FBXW10: variants seen among roughly 807,000 people sequenced by gnomAD.
The protein encoded by FBXW10 is F-box and WD repeat domain containing 10.
A neutral mutation model predicts 113.1 loss-of-function variants in FBXW10; 68 were observed. That is an observed-to-expected ratio of 0.60 (90% confidence interval 0.49 to 0.74). The LOEUF is 0.74. Ranked by LOEUF, FBXW10 falls within the 30% of genes least tolerant of loss-of-function variation. The pLI, the probability that FBXW10 is intolerant of heterozygous loss-of-function variation, is 0.00. For missense variants in FBXW10, 753 were observed against 1,284.5 expected, an observed-to-expected ratio of 0.59 and a Z score of 6.32; for synonymous variants, 289 against 481.6, an observed-to-expected ratio of 0.60 and a Z score of 5.24.
intron 11 of FBXW10, among the ~76,000 whole-genome samples, chr17:18,771,117 A>C (rs1414607743): frequency 1.3e-5 from 2 of 150,956 alleles, no homozygotes; most frequent in Non-Finnish European, 3.0e-5. Context: ...AAAAAAAAAA[A>C]CAAAACAAAA....
intron 11 of FBXW10, among the ~76,000 whole-genome samples, chr17:18,771,283 C>T (rs1320343575): frequency 1.3e-5 from 2 of 152,198 alleles, no homozygotes; most frequent in Non-Finnish European, 2.9e-5. Flanking sequence ...AGAGTTTATG[C>T]TGTTGGTTAA....
chr17:18,774,623 GTC>G (rs1555538631), intron 12 of FBXW10, among the ~76,000 whole-genome samples: 1 of 151,882 alleles, frequency 6.6e-6, no homozygotes, highest in Non-Finnish European at 1.5e-5. Flanking sequence ...GAGAAACCCC[GTC>G]TCTACTAAAA....
At chr17:18,772,267 T>G (rs765251864) in intron 11 of FBXW10, 145 bp from the exon 12 acceptor site, 4 of 732,182 alleles carry the variant, frequency 5.5e-6, no homozygotes, top group Non-Finnish European at 9.3e-6. Context: ...CTCTCCACCC[T>G]CCAGCTGCCT....
chr17:18,757,420 A>G (rs2151803551), intron 6 of FBXW10, among the ~76,000 whole-genome samples: 1 of 152,356 alleles, frequency 6.6e-6, no homozygotes, highest in East Asian at 1.9e-4. Context: ...CCTCATATTT[A>G]GAGTGACTAT....
rs1176150128 is a variant in FBXW10 at position 18,766,810 on chromosome 17, G to T, written c.1652G>T (p.Cys551Phe). The change falls in exon 9 of 14, where the codon TGT becomes TTT. Residue 551 changes from cysteine (C) to phenylalanine (F), a missense_variant. Transcript: ENST00000395665. ...AATGATACCTACATTGTGAGCAGCT[G>T]TGAGCGAGGGCTGGTGAAAGTGTGG... ...RINDTYIVSS[C>F]ERGLVKVWHI... The T allele has an allele frequency of 6.2e-7, 1 of 1,612,704 alleles. No individual in the cohort carries two copies. The highest frequency in any genetic ancestry group is 1.3e-5 in the African/African-American group (1 of 74,998).
intron 11 of FBXW10, among the ~76,000 whole-genome samples, 158 bp from the exon 12 acceptor site, chr17:18,772,254 C>T (rs970490680): frequency 1.3e-4 from 20 of 152,188 alleles, no homozygotes; most frequent in African/African-American, 4.8e-4. Flanking sequence ...GTAACTTTCA[C>T]CACTCTCCAC....
At chr17:18,762,379 G>A (rs1431763545) in intron 7 of FBXW10, among the ~76,000 whole-genome samples, 1 of 146,726 alleles carries the variant, frequency 6.8e-6, no homozygotes, top group African/African-American at 2.5e-5. Flanking sequence ...GTGCTGTGAC[G>A]CGATCTCGGC....
intron 8 of FBXW10, among the ~76,000 whole-genome samples, chr17:18,765,522 A>G (rs1404927407): frequency 2.0e-5 from 3 of 152,172 alleles, no homozygotes; most frequent in African/African-American, 7.2e-5. Context: ...GGGGAATAAT[A>G]ATAGTACTTG....
Position 18,768,664 on chromosome 17 carries a change from T to G in FBXW10, c.1835T>G (p.Phe612Cys). ...AAGTACGAGCGCTGCCTGATGGCCT[T>G]CAAGCATCCCAAGTAGGTGCCTGTG... ...VGKYERCLMAFKHPKEVLDVS... is the reference protein window; with the variant it reads ...VGKYERCLMACKHPKEVLDVS... The change falls in exon 10 of 14, where the codon TTC becomes TGC. Residue 612 changes from phenylalanine (F) to cysteine (C), a missense_variant. Physicochemically the swap from Phe to Cys is radical, Grantham distance 205. Transcript: ENST00000395665. 6.2e-7 allele frequency: 1 copy of G among 1,613,866 alleles called. No individual in the cohort carries two copies. The highest frequency in any genetic ancestry group is 8.5e-7 in the Non-Finnish European group (1 of 1,179,844).
At chr17:18,748,426 A>G (rs1240296147) in intron 2 of FBXW10, among the ~76,000 whole-genome samples, 6 of 149,316 alleles carry the variant, frequency 4.0e-5, no homozygotes, top group Middle Eastern at 3.4e-3. Context: ...AAAAAAAAAA[A>G]AAAAAAGAAA....
chr17:18,774,477 G>A (rs1325734700), intron 12 of FBXW10, among the ~76,000 whole-genome samples: 2 of 152,176 alleles, frequency 1.3e-5, no homozygotes, highest in East Asian at 1.9e-4. Context: ...GCGTTTGGTT[G>A]CACGGTAGGA....
At position 18,744,587 on chromosome 17, in the gene FBXW10, G is replaced by A. The variant is rs142528410; in HGVS notation, c.343G>A (p.Glu115Lys). The change falls in exon 1 of 14, where the codon GAA becomes AAA. Residue 115 changes from glutamate to lysine, a missense_variant. Physicochemically the swap from Glu to Lys is moderately conservative, Grantham distance 56 (BLOSUM62 1). Transcript: ENST00000395665. Reference protein sequence around the residue: ...SLNQMLDKTVEQKMKEILYWF... With the variant: ...SLNQMLDKTVKQKMKEILYWF... ...GAACCAAATGTTGGATAAAACAGTA[G>A]AACAGAAGATGAAAGAGATCTTGTA... 8.1e-6 allele frequency: 13 copies of A among 1,613,880 alleles called. No homozygotes were observed. Among genetic ancestry groups the A allele is most frequent in the Non-Finnish European group, 9.3e-6 (11 of 1,179,890 alleles).
chr17:18,757,810 TA>T (rs1156977038), intron 6 of FBXW10, among the ~76,000 whole-genome samples: 1 of 152,248 alleles, frequency 6.6e-6, no homozygotes, highest in African/African-American at 2.4e-5. Flanking sequence ...TCATTGTAAG[TA>T]AGGTCCTTAT....
At position 18,744,621 on chromosome 17, in the gene FBXW10, C is replaced by T. The variant is rs772332798; in HGVS notation, c.377C>T (p.Ala126Val). ...ATGAAAGAGATCTTGTACTGGTTTG[C>T]GAACAGCACCCAGTGGACCAAGGCG... ...QKMKEILYWF[A>V]NSTQWTKANY... is the part of the protein sequence containing the mutation. Residue 126 changes from alanine (A) to valine (V), a missense_variant, in exon 1 of 14, where the codon GCG (alanine) becomes GTG (valine). Physicochemically the swap from Ala to Val is moderately conservative, Grantham distance 64. Coordinates refer to ENST00000395665, the MANE Select transcript of FBXW10 (RefSeq NM_001267585.2). 5.0e-6 allele frequency: 8 copies of T among 1,613,816 alleles called. No individual in the cohort carries two copies. The highest frequency in any genetic ancestry group is 1.1e-5 in the South Asian group (1 of 91,068).
At chr17:18,756,899 G>T (rs1353986170) in intron 6 of FBXW10, among the ~76,000 whole-genome samples, 1 of 152,130 alleles carries the variant, frequency 6.6e-6, no homozygotes, top group Non-Finnish European at 1.5e-5. Flanking sequence ...TCGGTATGGG[G>T]AAGACAGAAC....
At chr17:18,764,673 T>C in intron 7 of FBXW10, 69 bp from the exon 8 acceptor site, 5 of 1,605,702 alleles carry the variant, frequency 3.1e-6, no homozygotes, top group Non-Finnish European at 4.3e-6. Context: ...CTTATCTACA[T>C]GGGTTCTACG....
In FBXW10 at chr17:18,775,173, A is replaced by C; in HGVS notation, c.2316A>C (p.Ser772=). ...LIEELQSQGK[S]KSPRRDADDV... ...AGGAACTTCAAAGTCAAGGAAAGTCAAAATCACCCCGAAGAGATGGTAAGA... is the reference window on the plus strand; with the variant it reads ...AGGAACTTCAAAGTCAAGGAAAGTCCAAATCACCCCGAAGAGATGGTAAGA... Residue 772 remains serine, a synonymous_variant, in exon 13 of 14, where the codon TCA becomes TCC. Transcript: ENST00000395665. 1 of 1,609,620 alleles carries C rather than the reference A, an allele frequency of 6.2e-7. No homozygotes were observed. The highest frequency in any genetic ancestry group is 2.2e-5 in the East Asian group (1 of 44,860).
intron 1 of FBXW10, among the ~76,000 whole-genome samples, chr17:18,747,003 C>T (rs948926881): frequency 2.0e-5 from 3 of 150,782 alleles, no homozygotes; most frequent in African/African-American, 7.3e-5. Context: ...CTCACTGCTG[C>T]AAGCTCCGCC....
At chr17:18,763,882 C>T (rs373241895) in intron 7 of FBXW10, among the ~76,000 whole-genome samples, 186 of 141,958 alleles carry the variant, frequency 1.3e-3, no homozygotes, top group African/African-American at 4.5e-3. Flanking sequence ...CCACCTGACA[C>T]TGATCAAGCA....
Sources: allele counts gnomAD v4.1 joint callset (sites outside exome capture counted in the v4.1 genomes callset), GRCh38; gene constraint gnomAD v4.1.1; transcripts MANE v1.5; gene names NCBI Gene and HGNC (gene_info 2026-07-23, HGNC 2026-07-21).